TMEM125: variants seen among roughly 807,000 people sequenced by gnomAD.
TMEM125 encodes the protein transmembrane protein 125.
TMEM125 carries 11 observed loss-of-function variants against 8.7 expected under a neutral mutation model. That is an observed-to-expected ratio of 1.26 (90% CI 0.79 to 2.08). TMEM125 has a LOEUF of 2.08. Among genes scored for constraint, TMEM125 ranks in the 30% most tolerant of loss-of-function variants. The pLI, the probability that TMEM125 is intolerant of heterozygous loss-of-function variation, is 0.00. For synonymous variants in TMEM125, 144 were observed against 146.1 expected (o/e 0.99, Z 0.10); for missense variants, 270 against 302.4 (o/e 0.89, Z 0.79).
chr1:43,270,384 G>A (rs1451091195), intron 1 of TMEM125, among the ~76,000 whole-genome samples: 1 of 152,090 alleles, frequency 6.6e-6, no homozygotes, highest in African/African-American at 2.4e-5. Context: ...TGGAAGCTGG[G>A]AGTTCTAGCT....
At position 43,273,159 on chromosome 1, in the gene TMEM125, C is replaced by T. The variant is rs201743749; in HGVS notation, c.437C>T (p.Ala146Val). The T allele has an allele frequency of 5.5e-5, 89 of 1,613,770 alleles. 1 individual carries two copies. The South Asian group carries it at 8.9e-4, about 16-fold the overall frequency. Residue 146 changes from alanine (A) to valine (V), a missense_variant, in exon 4 of 4, where the codon GCC becomes GTC. By Grantham distance (64) the Ala-to-Val change is moderately conservative. Coordinates refer to ENST00000439858, the MANE Select transcript of TMEM125 (RefSeq NM_144626.3). Reference protein sequence around the residue: ...AAPAPARPLAAMLSVGIALAA... With the variant: ...AAPAPARPLAVMLSVGIALAA... ...CCTGCCCCTGCTCGGCCGCTGGCCG[C>T]CATGCTGTCTGTGGGCATTGCTCTG... is the stretch of plus-strand genomic sequence containing the variant.
chr1:43,270,562 G>C (rs938249924), intron 1 of TMEM125, 119 bp from the exon 2 acceptor site: 5 of 152,652 alleles, frequency 3.3e-5, no homozygotes, highest in African/African-American at 1.2e-4. Context: ...TAACTGCAGC[G>C]GACAGAAGCC....
chr1:43,273,302 G>A lies in TMEM125; in HGVS notation c.580G>A (p.Gly194Ser). The change falls in exon 4 of 4, where the codon GGC becomes AGC. Residue 194 changes from glycine to serine, a missense_variant. Physicochemically the swap from Gly to Ser is moderately conservative, Grantham distance 56 (BLOSUM62 0). Around this residue, in one of 3 missense-constraint regions of TMEM125, gnomAD observed 52 missense variants for 69.4 expected, o/e 0.75. Transcript: ENST00000439858. ...PSTHSGHGGH[G>S]SIFSISGQLS... ...CACCCACAGTGGCCATGGCGGCCAT[G>A]GCAGCATCTTCAGCATCTCAGGACA... The A allele has an allele frequency of 1.2e-6, 2 of 1,614,104 alleles. No individual in the cohort carries two copies. The highest frequency in any genetic ancestry group is 1.7e-6 in the Non-Finnish European group (2 of 1,180,012).
Position 43,272,620 on chromosome 1 carries a change from TG to T in TMEM125, c.-100del. On this transcript the variant is annotated 5_prime_UTR_variant, in exon 4 of 4. The change abolishes the stop of an existing upstream ORF in the 5' untranslated region. Coordinates refer to ENST00000439858, the MANE Select transcript of TMEM125 (RefSeq NM_144626.3). The surrounding 1 kb of genome is among the most constrained non-coding windows in gnomAD (Gnocchi z 5.0). The stretch of plus-strand genomic sequence containing the variant: ...CTGGACTGTGAGAGGAATGGGACTC[TG>T]GGCCTGTAGCTGCCAAGCAGGTGGC... 1 of 1,056,930 alleles carries T rather than the reference TG, an allele frequency of 9.5e-7. No homozygotes were observed. The highest frequency in any genetic ancestry group is 1.3e-6 in the Non-Finnish European group (1 of 774,440). The allele number at this position is 1,056,930 out of a possible 1,614,324, so 65.5% of individuals were successfully genotyped here.
chr1:43,273,063 CCCTCGTGGTGCTGCTCAGTGG>C lies in TMEM125; in HGVS notation c.349_369del (p.Val117_Val123del). On this transcript the variant is annotated inframe_deletion, in exon 4 of 4. Coordinates refer to ENST00000439858, the MANE Select transcript of TMEM125 (RefSeq NM_144626.3). ...CTGCGCAGTGGTGGAGGGGCCGACGCCCTCGTGGTGCTGCTCAGTGGCCTCGTGCTGCTGGTCACCGGCCTG... is the reference window on the plus strand; with the variant it reads ...CTGCGCAGTGGTGGAGGGGCCGACGCCCTCGTGCTGCTGGTCACCGGCCTG... 6.2e-7 allele frequency: 1 copy of C among 1,610,608 alleles called. No individual in the cohort carries two copies. The highest frequency in any genetic ancestry group is 8.5e-7 in the Non-Finnish European group (1 of 1,178,054).
In TMEM125 at chr1:43,272,639, C is replaced by A; in HGVS notation, c.-84C>A. 1 of 1,234,946 alleles carries A rather than the reference C, an allele frequency of 8.1e-7. No homozygotes were observed. Among genetic ancestry groups the A allele is most frequent in the Non-Finnish European group, 1.1e-6 (1 of 936,032 alleles). The allele number at this position is 1,234,946 out of a possible 1,614,324, so 76.5% of individuals were successfully genotyped here. ...GGACTCTGGGCCTGTAGCTGCCAAG[C>A]AGGTGGCAGGTGCTCCAGGCTGTGA... is the stretch of plus-strand genomic sequence containing the variant. On this transcript the variant is annotated 5_prime_UTR_variant, in exon 4 of 4. Transcript: ENST00000439858. This position sits in a 1 kb window ranked among gnomAD's most constrained non-coding sequence, Gnocchi z 5.0.
Position 43,272,743 on chromosome 1 carries a change from A to C in TMEM125, c.21A>C (p.Gln7His). The change falls in exon 4 of 4, where the codon CAA (glutamine) becomes CAC (histidine). Residue 7 changes from glutamine to histidine, a missense_variant. By Grantham distance (24) the Gln-to-His change is conservative. This residue lies in a region of TMEM125 where 215 missense variants were observed against 216.5 expected (regional missense o/e 0.99). Coordinates refer to ENST00000439858, the MANE Select transcript of TMEM125 (RefSeq NM_144626.3). This position sits in a 1 kb window ranked among gnomAD's most constrained non-coding sequence, Gnocchi z 5.0. MSEQEA[Q>H]APGGRGLPPD... The stretch of plus-strand genomic sequence containing the variant: ...AAGCCATGTCTGAACAGGAGGCTCA[A>C]GCCCCAGGGGGCCGGGGGCTGCCCC... 1 of 1,510,418 alleles carries C rather than the reference A, an allele frequency of 6.6e-7. No individual in the cohort carries two copies. The highest frequency in any genetic ancestry group is 8.8e-7 in the Non-Finnish European group (1 of 1,130,866). The allele number at this position is 1,510,418 out of a possible 1,614,324, so 93.6% of individuals were successfully genotyped here.
At position 43,273,376 on chromosome 1, in the gene TMEM125, C is replaced by T. The variant is rs777338185; in HGVS notation, c.654C>T (p.Leu218=). ...AGACCACATCCAGCATTGCCAGCCT[C>T]ATCTGACGGAGCCAGAGCCGTCCTT... is the stretch of plus-strand genomic sequence containing the variant. ...RHETTSSIAS[L]I is the part of the protein sequence containing the mutation. Residue 218 remains leucine, a synonymous_variant, in exon 4 of 4, where the codon CTC becomes CTT. Coordinates refer to ENST00000439858, the MANE Select transcript of TMEM125 (RefSeq NM_144626.3). The T allele has an allele frequency of 1.9e-6, 3 of 1,606,010 alleles. No individual in the cohort carries two copies. Among genetic ancestry groups the T allele is most frequent in the Non-Finnish European group, 1.7e-6 (2 of 1,173,468 alleles).
In TMEM125 at chr1:43,271,879, G is replaced by A. The variant is rs1285566189; in HGVS notation, c.-301-305G>A. Among the ~76,000 whole-genome samples, 1 of 152,226 alleles carries A rather than the reference G, an allele frequency of 6.6e-6. No individual in the cohort carries two copies. Among genetic ancestry groups the A allele is most frequent in the Non-Finnish European group, 1.5e-5 (1 of 68,040 alleles). ...TGCCATGCCTGAAGTGAGGAACGCA[G>A]AAGGAACAGGTTGGAGTAAGACAAC... On this transcript the variant is annotated intron_variant, in intron 2 of 3. Coordinates refer to ENST00000439858, the MANE Select transcript of TMEM125 (RefSeq NM_144626.3). The surrounding 1 kb of genome is among the most constrained non-coding windows in gnomAD (Gnocchi z 4.9).
At position 43,273,470 on chromosome 1, in the gene TMEM125, C is replaced by T; in HGVS notation, c.*88C>T. 6.7e-7 allele frequency: 1 copy of T among 1,484,806 alleles called. No homozygotes were observed. The highest frequency in any genetic ancestry group is 1.3e-5 in the South Asian group (1 of 75,060). The allele number at this position is 1,484,806 out of a possible 1,614,324, so 92.0% of individuals were successfully genotyped here. A position where few individuals can be genotyped will look rare whatever the true frequency, so the allele number is the denominator to read the frequency against. On this transcript the variant is annotated 3_prime_UTR_variant, in exon 4 of 4. Coordinates refer to ENST00000439858, the MANE Select transcript of TMEM125 (RefSeq NM_144626.3). Reference sequence around the variant, plus strand: ...TGAGTGCATGTGAACGTTGAGTACACATGAGTGCGTGTATGCCCCCAGGCT... The same window carrying T: ...TGAGTGCATGTGAACGTTGAGTACATATGAGTGCGTGTATGCCCCCAGGCT...
In TMEM125 at chr1:43,271,417, G is replaced by A. The variant is rs1646490240; in HGVS notation, c.-302+624G>A. On this transcript the variant is annotated intron_variant, in intron 2 of 3. Transcript: ENST00000439858. This position sits in a 1 kb window ranked among gnomAD's most constrained non-coding sequence, Gnocchi z 4.9. ...GCTGACTAACCCACACCCACACTTA[G>A]CACAGGCACTGGCCTGCTTGCTTCT... Among the ~76,000 whole-genome samples the A allele has an allele frequency of 6.6e-6, 1 of 152,192 alleles. No individual in the cohort carries two copies. The highest frequency in any genetic ancestry group is 2.1e-4 in the South Asian group (1 of 4,830).
chr1:43,271,453 TCTG>T lies in TMEM125; in HGVS notation c.-302+665_-302+667del, dbSNP rs762955459. Among the ~76,000 whole-genome samples, 1 of 152,186 alleles carries T rather than the reference TCTG, an allele frequency of 6.6e-6. No homozygotes were observed. Among genetic ancestry groups the T allele is most frequent in the Non-Finnish European group, 1.5e-5 (1 of 68,030 alleles). On this transcript the variant is annotated intron_variant, in intron 2 of 3. Transcript: ENST00000439858. This position sits in a 1 kb window ranked among gnomAD's most constrained non-coding sequence, Gnocchi z 4.9. ...GGCCTGCTTGCTTCTGTCTCTGTCT[TCTG>T]CTGCAGACTGGGGCTCCTTGAAGGC... is the stretch of plus-strand genomic sequence containing the variant.
rs763661265 is a variant in TMEM125, at chr1:43,272,870, G to A, written c.148G>A (p.Ala50Thr). Residue 50 changes from alanine to threonine, a missense_variant, in exon 4 of 4, where the codon GCG (alanine) becomes ACG (threonine). Ala to Thr is a moderately conservative substitution (Grantham distance 58). Coordinates refer to ENST00000439858, the MANE Select transcript of TMEM125 (RefSeq NM_144626.3). The surrounding 1 kb of genome is among the most constrained non-coding windows in gnomAD (Gnocchi z 5.0). ...VAVGLVAGCGAGGVALLSTTS... is the reference protein window; with the variant it reads ...VAVGLVAGCGTGGVALLSTTS... ...CGTGGGCCTCGTGGCAGGCTGTGGC[G>A]CGGGCGGCGTGGCACTGCTGTCAAC... 1.1e-5 allele frequency: 17 copies of A among 1,583,580 alleles called. No individual in the cohort carries two copies. The highest frequency in any genetic ancestry group is 5.3e-5 in the Admixed American group (3 of 56,626).
At position 43,273,286 on chromosome 1, in the gene TMEM125, T is replaced by TGGCCATGGC. The variant is rs750774636; in HGVS notation, c.574_582dup (p.Gly192_Gly194dup). On this transcript the variant is annotated inframe_insertion, in exon 4 of 4. Transcript: ENST00000439858. ...GTATGGCCACTCCCTCCACCCACAG[T>TGGCCATGGC]GGCCATGGCGGCCATGGCAGCATCT... 1.2e-6 allele frequency: 2 copies of TGGCCATGGC among 1,614,124 alleles called. No homozygotes were observed. The highest frequency in any genetic ancestry group is 1.7e-6 in the Non-Finnish European group (2 of 1,180,010).
In TMEM125 at chr1:43,273,573, T is replaced by A. The variant is rs1646510998; in HGVS notation, c.*191T>A. The A allele has an allele frequency of 5.4e-6, 4 of 740,358 alleles. No homozygotes were observed. The highest frequency in any genetic ancestry group is 8.8e-6 in the Non-Finnish European group (4 of 454,140). 45.9% of individuals were successfully genotyped at this position (740,358 alleles called of 1,614,324 possible). On this transcript the variant is annotated 3_prime_UTR_variant, in exon 4 of 4. Transcript: ENST00000439858. ...CCACACATCCACATCATGGGAAGGT[T>A]AATGTGTGCCTCCTTGGAACTGGGT...
chr1:43,272,764 G>GC lies in TMEM125; in HGVS notation c.47dup (p.Asp17GlyfsTer49). 2 of 1,521,090 alleles carry GC rather than the reference G, an allele frequency of 1.3e-6. No individual in the cohort carries two copies. The highest frequency in any genetic ancestry group is 1.4e-5 in the African/African-American group (1 of 72,310). 94.2% of individuals were successfully genotyped at this position (1,521,090 alleles called of 1,614,324 possible). On this transcript the variant is annotated frameshift_variant, in exon 4 of 4. Transcript: ENST00000439858. LOFTEE classifies it high-confidence loss of function. This position sits in a 1 kb window ranked among gnomAD's most constrained non-coding sequence, Gnocchi z 5.0. ...CTCAAGCCCCAGGGGGCCGGGGGCT[G>GC]CCCCCGGACATGCTGGCAGAGCAGG...
Position 43,273,448 on chromosome 1 carries a change from G to A in TMEM125, c.*66G>A. ...TCCCCAGAGCCGAGCCAGGGTGTGA[G>A]TGCATGTGAACGTTGAGTACACATG... On this transcript the variant is annotated 3_prime_UTR_variant, in exon 4 of 4. Transcript: ENST00000439858. 3 of 1,545,070 alleles carry A rather than the reference G, an allele frequency of 1.9e-6. No individual in the cohort carries two copies. Among genetic ancestry groups the A allele is most frequent in the Non-Finnish European group, 2.6e-6 (3 of 1,140,566 alleles).
Position 43,272,823 on chromosome 1 carries a change from C to T in TMEM125, c.101C>T (p.Ser34Leu), listed in dbSNP as rs754572724. 37 of 1,569,840 alleles carry T rather than the reference C, an allele frequency of 2.4e-5. No individual in the cohort carries two copies. Among genetic ancestry groups the T allele is most frequent in the East Asian group, 9.2e-5 (4 of 43,264 alleles). Residue 34 changes from serine to leucine, a missense_variant, in exon 4 of 4, where the codon TCG (serine) becomes TTG (leucine). This residue lies in a region of TMEM125 where 215 missense variants were observed against 216.5 expected (regional missense o/e 0.99). Transcript: ENST00000439858. The surrounding 1 kb of genome is among the most constrained non-coding windows in gnomAD (Gnocchi z 5.0). Reference protein sequence around the residue: ...ELWWSQQPRRSALCFVVAVGL... With the variant: ...ELWWSQQPRRLALCFVVAVGL... ...TGGTGGTCCCAGCAGCCGCGGCGCTCGGCGCTCTGCTTCGTCGTGGCCGTG... is the reference window on the plus strand; with the variant it reads ...TGGTGGTCCCAGCAGCCGCGGCGCTTGGCGCTCTGCTTCGTCGTGGCCGTG...
In TMEM125 at chr1:43,271,313, C is replaced by T. The variant is rs746235324; in HGVS notation, c.-302+520C>T. The T allele has an allele frequency of 6.6e-6, 1 of 152,320 alleles. No homozygotes were observed. The highest frequency in any genetic ancestry group is 2.4e-5 in the African/African-American group (1 of 41,428). The allele number at this position is 152,320 out of a possible 1,614,324, so 9.4% of individuals were successfully genotyped here. ...TGTCTTCACTTTTCAGACAAGGAGACTGAGGCTCTAAGAGACGAACCATTC... is the reference window on the plus strand; with the variant it reads ...TGTCTTCACTTTTCAGACAAGGAGATTGAGGCTCTAAGAGACGAACCATTC... On this transcript the variant is annotated intron_variant, in intron 2 of 3. Transcript: ENST00000439858. The surrounding 1 kb of genome is among the most constrained non-coding windows in gnomAD (Gnocchi z 4.9).
Sources: gnomAD v4.1 joint callset for allele counts (sites outside exome capture counted in the v4.1 genomes callset) on GRCh38, gnomAD v4.1.1 for gene constraint, gnomAD v4.1.1 regional missense constraint, Gnocchi (gnomAD v3.1) non-coding constraint, MANE v1.5 for transcripts, NCBI Gene and HGNC (gene_info 2026-07-23, HGNC 2026-07-21) for gene names.